The following IFT43 variants were observed in gnomAD, a reference collection of about 807,000 sequenced individuals.
IFT43 encodes the protein intraflagellar transport 43, also known as intraflagellar transport protein 43 homolog.
IFT43 carries 33 observed loss-of-function variants against 32.3 expected under a neutral mutation model. The observed-to-expected ratio is 1.02, with a 90% CI of 0.77 to 1.37. The LOEUF (loss-of-function observed/expected upper bound fraction) is 1.37, where lower values mean the gene tolerates loss of function less well. Ranked by LOEUF, IFT43 falls within the 40% of genes most tolerant of loss-of-function variation. The pLI, the probability that IFT43 is intolerant of heterozygous loss-of-function variation, is 0.00. For synonymous variants in IFT43, 93 were observed against 98.2 expected, an observed-to-expected ratio of 0.95 and a Z score of 0.31; for missense variants, 274 against 265.9, an observed-to-expected ratio of 1.03 and a Z score of -0.21.
intron 1 of IFT43, 35 bp from the exon 2 acceptor site, chr14:75,988,850 T>A: frequency 2.5e-6 from 4 of 1,613,132 alleles, no homozygotes; most frequent in Non-Finnish European, 3.4e-6. Flanking sequence ...CCAAATGACA[T>A]TTGGGTCAGC....
chr14:76,069,826 C>T lies in IFT43; in HGVS notation c.295+10453C>T, dbSNP rs550351049. On this transcript the variant is annotated intron_variant, in intron 5 of 8. Transcript: ENST00000314067. ...CTGAGTGGAGTTGTAGCTCCCTCCT[C>T]CTGGCAGCTGCCAGCTCTCAGGCAC... 1.4e-4 allele frequency among the ~76,000 whole-genome samples: 22 copies of T among 152,294 alleles called. No homozygotes were observed. In the East Asian group the frequency reaches 4.2e-3, roughly 29 times the overall value.
At chr14:76,071,735 A>T (rs914854473) in intron 5 of IFT43, among the ~76,000 whole-genome samples, 1 of 152,172 alleles carries the variant, frequency 6.6e-6, no homozygotes, top group Non-Finnish European at 1.5e-5. Flanking sequence ...TTTTTAATAT[A>T]ATTTAATTAT....
At chr14:75,989,714 A>G (rs747068732) in intron 2 of IFT43, among the ~76,000 whole-genome samples, 9 of 152,058 alleles carry the variant, frequency 5.9e-5, no homozygotes, top group Non-Finnish European at 1.0e-4. Flanking sequence ...GTCTTTTTAC[A>G]TGTCTGTCTC....
chr14:76,013,398 A>C (rs59207171), intron 2 of IFT43, among the ~76,000 whole-genome samples: 2,134 of 152,326 alleles, frequency 0.014, 57 homozygotes, highest in African/African-American at 0.045. Flanking sequence ...TAGGTTCCCT[A>C]GCATCTGATC....
intron 2 of IFT43, among the ~76,000 whole-genome samples, chr14:76,006,023 G>T (rs2035974362): frequency 6.6e-6 from 1 of 151,994 alleles, no homozygotes; most frequent in African/African-American, 2.4e-5. Context: ...TGCAGAGACA[G>T]TTTGTGTCCA....
intron 5 of IFT43, among the ~76,000 whole-genome samples, chr14:76,070,233 G>C (rs972500650): frequency 6.6e-6 from 1 of 152,020 alleles, no homozygotes; most frequent in African/African-American, 2.4e-5. Context: ...TCGTCCCCCT[G>C]TCTCTCCCTC....
In IFT43 at chr14:75,999,260, TATATATATATATGTATATATA is replaced by T. The variant is rs1219231395; in HGVS notation, c.147+10284_147+10304del. On this transcript the variant is annotated intron_variant, in intron 2 of 8. Transcript: ENST00000314067. The stretch of plus-strand genomic sequence containing the variant: ...ATATATATATATATATATATATATA[TATATATATATATGTATATATA>T]TTTTTTTTTTTTTTTTTTTAATTTT... Among the ~76,000 whole-genome samples, 48 of 19,724 alleles carry T rather than the reference TATATATATATATGTATATATA, an allele frequency of 2.4e-3. 1 individual carries two copies. The highest frequency in any genetic ancestry group is 9.1e-3 in the African/African-American group (32 of 3,524). The allele number at this position is 19,724 out of a possible 152,430, so 12.9% of individuals were successfully genotyped here. A position where few individuals can be genotyped will look rare whatever the true frequency, so the allele number is the denominator to read the frequency against.
chr14:76,057,277 G>A (rs969029282), intron 3 of IFT43, among the ~76,000 whole-genome samples: 1 of 151,876 alleles, frequency 6.6e-6, no homozygotes, highest in African/African-American at 2.4e-5. Context: ...CTGTTGCTAG[G>A]CTGGAGTGAA....
chr14:75,995,560 CCTCA>C (rs1412711863), intron 2 of IFT43, among the ~76,000 whole-genome samples: 1 of 152,220 alleles, frequency 6.6e-6, no homozygotes, highest in Non-Finnish European at 1.5e-5. Flanking sequence ...CCCCCAGCAG[CCTCA>C]CTCGGCCGGA....
At chr14:75,998,704 C>T (rs993469380) in intron 2 of IFT43, among the ~76,000 whole-genome samples, 2 of 152,092 alleles carry the variant, frequency 1.3e-5, no homozygotes, top group Non-Finnish European at 2.9e-5. Flanking sequence ...CAGCAGGGGT[C>T]CCTGCAATTT....
At chr14:76,080,109 G>A (rs1275927137) in intron 5 of IFT43, among the ~76,000 whole-genome samples, 1 of 152,214 alleles carries the variant, frequency 6.6e-6, no homozygotes, top group East Asian at 1.9e-4. Context: ...GCCGGAGTTG[G>A]ATGGCCTGCC....
At chr14:75,999,281 A>ATATATATT (rs1566699821) in intron 2 of IFT43, among the ~76,000 whole-genome samples, 4 of 39,064 alleles carry the variant, frequency 1.0e-4, no homozygotes, top group Non-Finnish European at 1.4e-4. Flanking sequence ...ATGTATATAT[A>ATATATATT]TTTTTTTTTT....
chr14:76,025,605 A>G (rs1160117783), intron 3 of IFT43, among the ~76,000 whole-genome samples: 1 of 152,202 alleles, frequency 6.6e-6, no homozygotes, highest in East Asian at 1.9e-4. Context: ...GTACAAAAAG[A>G]GACACATAGA....
At chr14:76,041,744 G>GT (rs1165734342) in intron 3 of IFT43, among the ~76,000 whole-genome samples, 5 of 54,664 alleles carry the variant, frequency 9.1e-5, no homozygotes, top group Non-Finnish European at 1.8e-4. Context: ...ATGTACAAAA[G>GT]TCTGTGTTTT....
intron 2 of IFT43, among the ~76,000 whole-genome samples, chr14:76,021,598 T>G (rs2139954962): frequency 6.6e-6 from 1 of 152,338 alleles, no homozygotes; most frequent in South Asian, 2.1e-4. Context: ...TTTTTGTTAT[T>G]TGCATAGTAT....
chr14:76,070,285 ACT>A (rs1319319717), intron 5 of IFT43, among the ~76,000 whole-genome samples: 4 of 151,502 alleles, frequency 2.6e-5, no homozygotes, highest in East Asian at 3.9e-4. Context: ...TCTCTTTTGG[ACT>A]CTCTCTAGAT....
intron 5 of IFT43, chr14:76,076,536 A>G: frequency 6.2e-7 from 1 of 1,607,034 alleles, no homozygotes; most frequent in Non-Finnish European, 8.5e-7. Context: ...AGAGCTGGGT[A>G]GTGCTTGGGG....
chr14:76,049,751 T>C (rs1298069529), intron 3 of IFT43, among the ~76,000 whole-genome samples: 1 of 151,994 alleles, frequency 6.6e-6, no homozygotes, highest in African/African-American at 2.4e-5. Context: ...TGCTCTGTGC[T>C]GCTTTTGTAC....
intron 2 of IFT43, among the ~76,000 whole-genome samples, chr14:75,994,545 A>C (rs929706326): frequency 6.6e-6 from 1 of 152,206 alleles, no homozygotes; most frequent in Admixed American, 6.5e-5. Context: ...AGTACTTAGC[A>C]CGGTATCCGG....
Sources: gnomAD v4.1 joint callset for allele counts (sites outside exome capture counted in the v4.1 genomes callset) on GRCh38, gnomAD v4.1.1 for gene constraint, MANE v1.5 for transcripts, NCBI Gene and HGNC (gene_info 2026-07-23, HGNC 2026-07-21) for gene names.